The following RNASET2 variants were observed in gnomAD, a reference collection of about 807,000 sequenced individuals.
The protein encoded by RNASET2 is ribonuclease T2.
In RNASET2, 28 loss-of-function variants were observed where a neutral mutation model predicts 33.9. The ratio of observed to expected loss-of-function variants is 0.83; its 90% confidence interval spans 0.61 to 1.13. The LOEUF (loss-of-function observed/expected upper bound fraction) is 1.13, where lower values mean the gene tolerates loss of function less well. RNASET2 is among the 50% of genes most tolerant of loss of function. The pLI is 0.00. For synonymous variants in RNASET2, 123 were observed against 121.0 expected (o/e 1.02, Z -0.11); for missense variants, 330 against 319.9 (o/e 1.03, Z -0.24).
Position 166,934,582 on chromosome 6 carries a change from C to T in RNASET2, c.447-446G>A, listed in dbSNP as rs562381975. On this transcript the variant is annotated intron_variant, in intron 6 of 8. Transcript: ENST00000508775. ...CAGTGAAGGCCTGCATGTACGAGGG[C>T]GGTCCCATATGACCACATTTCTACT... 1.1e-4 allele frequency: 23 copies of T among 215,518 alleles called. No homozygotes were observed. In the South Asian group the frequency reaches 1.3e-3, roughly 12 times the overall value. The allele number at this position is 215,518 out of a possible 1,614,324, so 13.4% of individuals were successfully genotyped here.
At position 166,924,250 on chromosome 6, in the gene RNASET2, G is replaced by A. The variant is rs1388608769; in HGVS notation, c.*5338C>T. ...CGAGTAGCTGGGACTACAGGTGCCC[G>A]CCACCATGCCCGGCCAATTTTTGTA... On this transcript the variant is annotated 3_prime_UTR_variant, in exon 9 of 9. Coordinates refer to ENST00000508775, the MANE Select transcript of RNASET2 (RefSeq NM_003730.6). Among the ~76,000 whole-genome samples the A allele has an allele frequency of 6.6e-6, 1 of 152,058 alleles. No individual in the cohort carries two copies. Among genetic ancestry groups the A allele is most frequent in the African/African-American group, 2.4e-5 (1 of 41,390 alleles).
Position 166,935,602 on chromosome 6 carries a change from C to T in RNASET2, c.447-1466G>A, listed in dbSNP as rs111551106. Among the ~76,000 whole-genome samples the T allele has an allele frequency of 4.1e-4, 63 of 152,332 alleles. No homozygotes were observed. In the Middle Eastern group the frequency reaches 0.01, roughly 25 times the overall value. ...GTCTATGGGAACCCTGACAACTTTG[C>T]TTCAAGATGATTTGTGGTTTTTCAG... On this transcript the variant is annotated intron_variant, in intron 6 of 8. Transcript: ENST00000508775.
intron 5 of RNASET2, among the ~76,000 whole-genome samples, chr6:166,940,473 C>T (rs76508332): frequency 0.022 from 3,298 of 152,176 alleles, 44 homozygotes; most frequent in Non-Finnish European, 0.033. Context: ...TTCCTATATC[C>T]TATAAGGTAG....
In RNASET2 at chr6:166,928,210, T is replaced by G. The variant is rs34101156; in HGVS notation, c.*1378A>C. On this transcript the variant is annotated 3_prime_UTR_variant, in exon 9 of 9. Transcript: ENST00000508775. ...TTCCAGAGGGCCAGAGGCCGTCCTG[T>G]GTCTCCTTTAATGCCTGCGGGGGAC... 1.8e-4 allele frequency among the ~76,000 whole-genome samples: 28 copies of G among 152,302 alleles called. No individual in the cohort carries two copies. Among genetic ancestry groups the G allele is most frequent in the African/African-American group, 5.8e-4 (24 of 41,574 alleles).
At chr6:166,941,655 G>A (rs1006065405) in intron 5 of RNASET2, among the ~76,000 whole-genome samples, 1 of 152,070 alleles carries the variant, frequency 6.6e-6, no homozygotes, top group African/African-American at 2.4e-5. Context: ...AACCAGAAAG[G>A]GGGACATCAC....
At chr6:166,950,209 C>G (rs1263080243) in intron 2 of RNASET2, among the ~76,000 whole-genome samples, 1 of 151,282 alleles carries the variant, frequency 6.6e-6, no homozygotes, top group Non-Finnish European at 1.5e-5. Context: ...AGCTCCTCCT[C>G]CACGGTCCTT....
At chr6:166,951,457 T>A (rs777638194) in intron 2 of RNASET2, among the ~76,000 whole-genome samples, 2 of 152,146 alleles carry the variant, frequency 1.3e-5, no homozygotes, top group Non-Finnish European at 2.9e-5. Context: ...GAGTAACGGG[T>A]GCCTTCCCTA....
In RNASET2 at chr6:166,929,424, G is replaced by T; in HGVS notation, c.*164C>A. ...CGTGGGAGAGCTCCTTTCTCCCCGTGTACGCCACATGCACTCACTCTACAG... is the reference window on the plus strand; with the variant it reads ...CGTGGGAGAGCTCCTTTCTCCCCGTTTACGCCACATGCACTCACTCTACAG... On this transcript the variant is annotated 3_prime_UTR_variant, in exon 9 of 9. Transcript: ENST00000508775. 1 of 752,828 alleles carries T rather than the reference G, an allele frequency of 1.3e-6. No individual in the cohort carries two copies. The highest frequency in any genetic ancestry group is 2.3e-6 in the Non-Finnish European group (1 of 435,606). 46.6% of individuals were successfully genotyped at this position (752,828 alleles called of 1,614,324 possible). A position where few individuals can be genotyped will look rare whatever the true frequency, so the allele number is the denominator to read the frequency against.
Position 166,927,713 on chromosome 6 carries a change from CAAAAAAAAA to C in RNASET2, c.*1866_*1874del, listed in dbSNP as rs58837223. On this transcript the variant is annotated 3_prime_UTR_variant, in exon 9 of 9. Coordinates refer to ENST00000508775, the MANE Select transcript of RNASET2 (RefSeq NM_003730.6). ...TGATCCCTGTGTTCGCAAAATGACTCAAAAAAAAAAAAAAAAAAAAAAAGAATTGACATC... is the reference window on the plus strand; with the variant it reads ...TGATCCCTGTGTTCGCAAAATGACTCAAAAAAAAAAAAAAGAATTGACATC... Among the ~76,000 whole-genome samples, 1 of 47,342 alleles carries C rather than the reference CAAAAAAAAA, an allele frequency of 2.1e-5. No homozygotes were observed. Among genetic ancestry groups the C allele is most frequent in the South Asian group, 8.8e-4 (1 of 1,138 alleles). The allele number at this position is 47,342 out of a possible 152,430, so 31.1% of individuals were successfully genotyped here.
intron 5 of RNASET2, among the ~76,000 whole-genome samples, chr6:166,940,329 C>A (rs899857042): frequency 6.6e-6 from 1 of 152,128 alleles, no homozygotes; most frequent in Non-Finnish European, 1.5e-5. Context: ...AAAATTCATC[C>A]AAAATACTAG....
In RNASET2 at chr6:166,955,375, GCACA is replaced by G. The variant is rs199766141; in HGVS notation, c.86+718_86+721del. 4.2e-4 allele frequency: 97 copies of G among 228,626 alleles called. 6 individuals carry two copies. The highest frequency in any genetic ancestry group is 7.3e-4 in the African/African-American group (9 of 12,318). The allele number at this position is 228,626 out of a possible 1,614,324, so 14.2% of individuals were successfully genotyped here. On this transcript the variant is annotated intron_variant, in intron 1 of 8. Coordinates refer to ENST00000508775, the MANE Select transcript of RNASET2 (RefSeq NM_003730.6). ...CGCACACACACACGCACACACAAAC[GCACA>G]CGCACACACACACACGCGCACACAC...
chr6:166,949,214 A>T (rs1182971252), intron 2 of RNASET2, among the ~76,000 whole-genome samples: 2 of 149,162 alleles, frequency 1.3e-5, no homozygotes, highest in Non-Finnish European at 3.0e-5. Context: ...AAAAAAAAAA[A>T]AAAAAAAGGC....
intron 6 of RNASET2, chr6:166,934,486 A>T: frequency 3.5e-6 from 1 of 288,634 alleles, no homozygotes; most frequent in Non-Finnish European, 6.7e-6. Context: ...ATCGGATTCC[A>T]GGCTTATCCT....
chr6:166,951,076 A>G (rs988599892), intron 2 of RNASET2, among the ~76,000 whole-genome samples: 1 of 152,188 alleles, frequency 6.6e-6, no homozygotes, highest in Non-Finnish European at 1.5e-5. Flanking sequence ...CAAAAGGGGC[A>G]GGGTAAGGAG....
intron 1 of RNASET2, among the ~76,000 whole-genome samples, chr6:166,955,223 G>GCACA (rs1248839726): frequency 2.6e-5 from 1 of 38,758 alleles, no homozygotes; most frequent in African/African-American, 1.4e-4. Flanking sequence ...GCACACACGC[G>GCACA]CACACACGCA....
rs528141389 is a variant in RNASET2, at chr6:166,924,199, T to A, written c.*5389A>T. Reference sequence around the variant, plus strand: ...GCAACCTCTGCCTCCTGGCTTCAAGTGATTCATTCTCCTGCCTCAGCCTCC... The same window carrying A: ...GCAACCTCTGCCTCCTGGCTTCAAGAGATTCATTCTCCTGCCTCAGCCTCC... On this transcript the variant is annotated 3_prime_UTR_variant, in exon 9 of 9. Coordinates refer to ENST00000508775, the MANE Select transcript of RNASET2 (RefSeq NM_003730.6). 2.0e-4 allele frequency among the ~76,000 whole-genome samples: 30 copies of A among 152,158 alleles called. 1 individual carries two copies. The South Asian group carries it at 6.2e-3, about 32-fold the overall frequency.
intron 1 of RNASET2, among the ~76,000 whole-genome samples, chr6:166,955,128 GTTC>G (rs1161644155): frequency 6.6e-6 from 1 of 152,086 alleles, no homozygotes; most frequent in Non-Finnish European, 1.5e-5. Context: ...TAAAGTTGGA[GTTC>G]TTTGCAGCAC....
At chr6:166,934,604 T>C (rs1778523526) in intron 6 of RNASET2, 1 of 206,018 alleles carries the variant, frequency 4.9e-6, no homozygotes, top group Non-Finnish European at 9.9e-6. Flanking sequence ...ACCACATTTC[T>C]ACTGTGCCTT....
chr6:166,923,777 C>T lies in RNASET2; in HGVS notation c.*5811G>A, dbSNP rs186402044. Among the ~76,000 whole-genome samples, 100 of 152,294 alleles carry T rather than the reference C, an allele frequency of 6.6e-4. No individual in the cohort carries two copies. The highest frequency in any genetic ancestry group is 1.9e-3 in the African/African-American group (79 of 41,554). ...ATGCAATGGACTTCTTTTCTATAGA[C>T]GCCCAAATACTGACTTCATATCTGT... is the stretch of plus-strand genomic sequence containing the variant. On this transcript the variant is annotated 3_prime_UTR_variant, in exon 9 of 9. Transcript: ENST00000508775.
Sources: allele counts gnomAD v4.1 joint callset (sites outside exome capture counted in the v4.1 genomes callset), GRCh38; gene constraint gnomAD v4.1.1; transcripts MANE v1.5; gene names NCBI Gene and HGNC (gene_info 2026-07-23, HGNC 2026-07-21).